UBE2E2: variants seen among roughly 807,000 people sequenced by gnomAD.
The protein encoded by UBE2E2 is ubiquitin conjugating enzyme E2 E2, also known as ubiquitin-conjugating enzyme E2 E2.
Under a neutral mutation model 24.7 loss-of-function variants are expected in UBE2E2, and 6 were observed. The ratio of observed to expected loss-of-function variants is 0.24; its 90% CI spans 0.13 to 0.48. The LOEUF (loss-of-function observed/expected upper bound fraction) is 0.48. UBE2E2 is among the 20% of genes least tolerant of loss of function. The pLI is 0.99. For synonymous variants in UBE2E2, 104 were observed against 83.6 expected (o/e 1.24, Z -1.33); for missense variants, 169 against 245.0 (o/e 0.69, Z 2.07).
chr3:23,226,030 C>T (rs1038262169), intron 3 of UBE2E2, among the ~76,000 whole-genome samples: 1 of 152,108 alleles, frequency 6.6e-6, no homozygotes, highest in African/African-American at 2.4e-5. Flanking sequence ...CAGGCGCATG[C>T]CACCATGCAT....
chr3:23,267,670 A>G (rs1288613967), intron 3 of UBE2E2, among the ~76,000 whole-genome samples: 4 of 152,096 alleles, frequency 2.6e-5, no homozygotes, highest in African/African-American at 9.7e-5. Flanking sequence ...ATTCCAATCA[A>G]TAGAAAAAGA....
At chr3:23,574,193 T>C (rs1239439986) in intron 5 of UBE2E2, among the ~76,000 whole-genome samples, 1 of 152,010 alleles carries the variant, frequency 6.6e-6, no homozygotes, top group East Asian at 1.9e-4. Flanking sequence ...CTCATGAAGA[T>C]AGAGAGTAGA....
At chr3:23,460,322 A>G (rs1698780118) in intron 3 of UBE2E2, among the ~76,000 whole-genome samples, 1 of 152,222 alleles carries the variant, frequency 6.6e-6, no homozygotes. Flanking sequence ...GCTTGTGAAA[A>G]TGCGCTTTTT....
intron 3 of UBE2E2, among the ~76,000 whole-genome samples, chr3:23,223,016 C>G (rs1019632443): frequency 1.7e-5 from 1 of 58,098 alleles, no homozygotes; most frequent in African/African-American, 8.3e-5. Context: ...CATCTTTTGC[C>G]CCCCCCCCCT....
chr3:23,219,326 G>A (rs1214989664), intron 3 of UBE2E2, among the ~76,000 whole-genome samples: 2 of 152,128 alleles, frequency 1.3e-5, no homozygotes, highest in Non-Finnish European at 2.9e-5. Context: ...GTGTGCTTGT[G>A]TTACTTAATA....
rs558368843 is a variant in UBE2E2, at chr3:23,266,510, A to T, written c.227+49198A>T. Reference sequence around the variant, plus strand: ...CTTGTAGAGTTTCTGCCGAGAGATCAGCTGTTAGTCTGATGGGCTTCCCTT... The same window carrying T: ...CTTGTAGAGTTTCTGCCGAGAGATCTGCTGTTAGTCTGATGGGCTTCCCTT... On this transcript the variant is annotated intron_variant, in intron 3 of 5. Coordinates refer to ENST00000396703, the MANE Select transcript of UBE2E2 (RefSeq NM_152653.4). 4.3e-4 allele frequency among the ~76,000 whole-genome samples: 65 copies of T among 152,242 alleles called. 2 individuals carry two copies. The South Asian group carries it at 0.012, about 28-fold the overall frequency.
At chr3:23,552,339 A>G (rs1268172114) in intron 5 of UBE2E2, among the ~76,000 whole-genome samples, 1 of 152,166 alleles carries the variant, frequency 6.6e-6, no homozygotes, top group Non-Finnish European at 1.5e-5. Flanking sequence ...AGCAACAGAG[A>G]GAGACCCCTT....
chr3:23,231,325 G>A (rs1039106751), intron 3 of UBE2E2, among the ~76,000 whole-genome samples: 15 of 152,128 alleles, frequency 9.9e-5, no homozygotes, highest in African/African-American at 2.7e-4. Context: ...GGTTAGTGAG[G>A]CTTTTATTTC....
intron 3 of UBE2E2, among the ~76,000 whole-genome samples, chr3:23,324,658 A>C (rs1055023417): frequency 6.6e-6 from 1 of 152,114 alleles, no homozygotes; most frequent in African/African-American, 2.4e-5. Context: ...CATCCTTATT[A>C]TTTTTTGTAT....
At chr3:23,542,847 C>G (rs559498736) in intron 5 of UBE2E2, among the ~76,000 whole-genome samples, 1 of 152,306 alleles carries the variant, frequency 6.6e-6, no homozygotes, top group Non-Finnish European at 1.5e-5. Flanking sequence ...AATTTAGACA[C>G]GTTGACCTCA....
At chr3:23,568,401 G>A (rs1182403442) in intron 5 of UBE2E2, among the ~76,000 whole-genome samples, 3 of 151,908 alleles carry the variant, frequency 2.0e-5, no homozygotes, top group African/African-American at 7.3e-5. Flanking sequence ...CAAAAGGTGT[G>A]CATTATAAAC....
At chr3:23,534,534 A>G (rs79764943) in intron 5 of UBE2E2, among the ~76,000 whole-genome samples, 4,863 of 152,344 alleles carry the variant, frequency 0.032, 118 homozygotes, top group East Asian at 0.13. Flanking sequence ...TTTGTAAAAT[A>G]CATGCTAACA....
intron 3 of UBE2E2, among the ~76,000 whole-genome samples, chr3:23,352,650 C>A (rs1695791054): frequency 6.6e-6 from 1 of 152,116 alleles, no homozygotes; most frequent in African/African-American, 2.4e-5. Context: ...TGGATAAATT[C>A]CTCAACACAT....
At chr3:23,531,170 G>A (rs1695114562) in intron 4 of UBE2E2, among the ~76,000 whole-genome samples, 2 of 152,060 alleles carry the variant, frequency 1.3e-5, no homozygotes, top group South Asian at 2.1e-4. Flanking sequence ...CTGAGACTTC[G>A]CATCATGTAA....
intron 3 of UBE2E2, among the ~76,000 whole-genome samples, chr3:23,477,688 TGAA>T (rs1699168870): frequency 1.3e-5 from 2 of 152,246 alleles, no homozygotes; most frequent in African/African-American, 4.8e-5. Flanking sequence ...TCCGTGTTAC[TGAA>T]GAGTAAAATA....
rs576586751 is a variant in UBE2E2, at chr3:23,292,048, CG to C, written c.227+74740del. ...TAATTTTTTGTATTTTTAGTAGAGACGGGGTTTCACCGTGTTAACCAGGATG... is the reference window on the plus strand; with the variant it reads ...TAATTTTTTGTATTTTTAGTAGAGACGGGTTTCACCGTGTTAACCAGGATG... On this transcript the variant is annotated intron_variant, in intron 3 of 5. Transcript: ENST00000396703. 2.0e-4 allele frequency among the ~76,000 whole-genome samples: 31 copies of C among 151,920 alleles called. No homozygotes were observed. In the East Asian group the frequency reaches 3.5e-3, roughly 17 times the overall value.
chr3:23,270,600 G>T (rs1296767955), intron 3 of UBE2E2, among the ~76,000 whole-genome samples: 1 of 152,184 alleles, frequency 6.6e-6, no homozygotes, highest in Non-Finnish European at 1.5e-5. Context: ...AGCAGACAGG[G>T]TAGGTTCTGA....
chr3:23,303,842 C>G (rs1699171840), intron 3 of UBE2E2, among the ~76,000 whole-genome samples: 2 of 152,252 alleles, frequency 1.3e-5, no homozygotes, highest in South Asian at 4.2e-4. Context: ...CCATTCTTGG[C>G]CTTTTAAGTT....
At chr3:23,444,660 C>T (rs143748785) in intron 3 of UBE2E2, among the ~76,000 whole-genome samples, 6 of 152,336 alleles carry the variant, frequency 3.9e-5, no homozygotes, top group Non-Finnish European at 7.4e-5. Flanking sequence ...TGCTCCAACA[C>T]TGCAGGAAGT....
Sources: gnomAD v4.1 joint callset for allele counts (sites outside exome capture counted in the v4.1 genomes callset) on GRCh38, gnomAD v4.1.1 for gene constraint, MANE v1.5 for transcripts, NCBI Gene and HGNC (gene_info 2026-07-23, HGNC 2026-07-21) for gene names.